Variants in RRAGD observed in about 807,000 individuals in gnomAD.
RRAGD encodes ras-related GTP-binding protein D.
RRAGD carries 12 observed loss-of-function variants against 35.5 expected under a neutral mutation model. That is an observed-to-expected ratio of 0.34 (90% confidence interval 0.22 to 0.55). RRAGD has a LOEUF of 0.55. Ranked by LOEUF, RRAGD falls within the 20% of genes least tolerant of loss-of-function variation. RRAGD has a pLI of 0.91. For missense variants in RRAGD, 324 were observed against 490.1 expected (o/e 0.66, Z 3.20); for synonymous variants, 155 against 178.9 (o/e 0.87, Z 1.07).
At chr6:89,395,155 A>G (rs1769310280) in intron 1 of RRAGD, among the ~76,000 whole-genome samples, 1 of 152,236 alleles carries the variant, frequency 6.6e-6, no homozygotes, top group Non-Finnish European at 1.5e-5. Context: ...GCTACTTGGA[A>G]GGCTGAGGTG....
At chr6:89,387,175 A>T in intron 2 of RRAGD, 120 bp downstream of exon 2, 1 of 1,025,240 alleles carries the variant, frequency 9.8e-7, no homozygotes, top group Non-Finnish European at 1.4e-6. Flanking sequence ...GAGAGCCCTG[A>T]CCAAGAAACA....
chr6:89,379,677 A>G (rs1769009796), intron 3 of RRAGD, among the ~76,000 whole-genome samples: 1 of 152,216 alleles, frequency 6.6e-6, no homozygotes, highest in African/African-American at 2.4e-5. Flanking sequence ...AGGTTGTCCA[A>G]TTAGTAACTT....
intron 5 of RRAGD, among the ~76,000 whole-genome samples, chr6:89,375,788 G>A (rs1768928701): frequency 6.6e-6 from 1 of 152,186 alleles, no homozygotes; most frequent in Non-Finnish European, 1.5e-5. Context: ...GAATCCTGTG[G>A]GTTCTCAGAA....
Position 89,368,137 on chromosome 6 carries a change from T to C in RRAGD, c.1122A>G (p.Val374=), listed in dbSNP as rs760777643. The C allele has an allele frequency of 1.2e-6, 2 of 1,614,056 alleles. No homozygotes were observed. The highest frequency in any genetic ancestry group is 3.3e-5 in the Admixed American group (2 of 60,010). The change falls in exon 7 of 7, where the codon GTA becomes GTG. Residue 374 remains valine (V), a synonymous_variant. Transcript: ENST00000369415. ...GATTCTGAACCTTTCGAGATTTTACTACTTTCATTCTCACCTCAAAAACTT... is the reference window on the plus strand; with the variant it reads ...GATTCTGAACCTTTCGAGATTTTACCACTTTCATTCTCACCTCAAAAACTT... The part of the protein sequence containing the change: ...IHEVFEVRMK[V]VKSRKVQNRL...
intron 1 of RRAGD, among the ~76,000 whole-genome samples, chr6:89,396,011 C>T (rs1337254983): frequency 3.3e-5 from 5 of 151,640 alleles, no homozygotes; most frequent in Admixed American, 2.6e-4. Flanking sequence ...CAAAATTGGT[C>T]TTGGTCTAAC....
Position 89,365,381 on chromosome 6 carries a change from A to AGTT in RRAGD, c.*2672_*2674dup, listed in dbSNP as rs2127881514. 6.6e-6 allele frequency: 1 copy of AGTT among 152,370 alleles called. No homozygotes were observed. The highest frequency in any genetic ancestry group is 6.5e-5 in the Admixed American group (1 of 15,296). 9.4% of individuals were successfully genotyped at this position (152,370 alleles called of 1,614,324 possible). On this transcript the variant is annotated 3_prime_UTR_variant, in exon 7 of 7. Coordinates refer to ENST00000369415, the MANE Select transcript of RRAGD (RefSeq NM_021244.5). Reference sequence around the variant, plus strand: ...AAACCAAGCAAAAATGTTCCAGTGCAGTTGCTGTAGCCATGTATTTAGGAT... The same window carrying AGTT: ...AAACCAAGCAAAAATGTTCCAGTGCAGTTGTTGCTGTAGCCATGTATTTAGGAT...
Position 89,405,729 on chromosome 6 carries a change from T to C in RRAGD, c.148+6117A>G, listed in dbSNP as rs1305947318. ...TAGAATTTCTTCGCTATTAGTATTCTGTGGAATCAACAAACGCTTAAGCGT... is the reference window on the plus strand; with the variant it reads ...TAGAATTTCTTCGCTATTAGTATTCCGTGGAATCAACAAACGCTTAAGCGT... On this transcript the variant is annotated intron_variant, in intron 1 of 6. Transcript: ENST00000369415. 4.6e-5 allele frequency among the ~76,000 whole-genome samples: 7 copies of C among 152,364 alleles called. No individual in the cohort carries two copies. The East Asian group carries it at 9.6e-4, about 21-fold the overall frequency.
At chr6:89,408,922 G>A (rs996032132) in intron 1 of RRAGD, among the ~76,000 whole-genome samples, 2 of 152,058 alleles carry the variant, frequency 1.3e-5, no homozygotes, top group Non-Finnish European at 2.9e-5. Flanking sequence ...GTTTTATCTG[G>A]AGTGTGGGGA....
At chr6:89,400,805 G>A (rs1769444799) in intron 1 of RRAGD, among the ~76,000 whole-genome samples, 1 of 152,082 alleles carries the variant, frequency 6.6e-6, no homozygotes, top group Non-Finnish European at 1.5e-5. Flanking sequence ...GAGAATGAAG[G>A]ATGACAGCCC....
intron 6 of RRAGD, among the ~76,000 whole-genome samples, chr6:89,369,577 G>T (rs1251098358): frequency 6.6e-6 from 1 of 151,992 alleles, no homozygotes; most frequent in Non-Finnish European, 1.5e-5. Context: ...CCTCATTTTT[G>T]AATTTTTCCT....
intron 5 of RRAGD, among the ~76,000 whole-genome samples, chr6:89,372,868 C>A (rs1163137367): frequency 3.9e-5 from 6 of 152,240 alleles, no homozygotes; most frequent in Non-Finnish European, 8.8e-5. Flanking sequence ...CTCCCCACCT[C>A]CGTGGCCAAG....
At chr6:89,403,828 G>A (rs1769526656) in intron 1 of RRAGD, among the ~76,000 whole-genome samples, 1 of 151,632 alleles carries the variant, frequency 6.6e-6, no homozygotes, top group Admixed American at 6.6e-5. Context: ...TTTTTTGTTG[G>A]GGGATGGTGG....
At chr6:89,404,786 A>G (rs1295122100) in intron 1 of RRAGD, among the ~76,000 whole-genome samples, 1 of 152,170 alleles carries the variant, frequency 6.6e-6, no homozygotes, top group African/African-American at 2.4e-5. Context: ...ACCCTGCCTG[A>G]CTGATCTGAG....
At chr6:89,370,458 T>A (rs1482723574) in intron 6 of RRAGD, among the ~76,000 whole-genome samples, 1 of 152,174 alleles carries the variant, frequency 6.6e-6, no homozygotes, top group East Asian at 1.9e-4. Context: ...CACAGCAAAA[T>A]AAGTATTCAT....
rs1249141511 is a variant in RRAGD, at chr6:89,387,278, G to C, written c.444+17C>G. The C allele has an allele frequency of 1.1e-5, 18 of 1,607,394 alleles. No individual in the cohort carries two copies. Among genetic ancestry groups the C allele is most frequent in the Non-Finnish European group, 1.5e-5 (18 of 1,174,832 alleles). ...GGACCGGCCAGGCCATCATACCCCTGAGACTCTGAGCTTTACCTGTGAGTC... is the reference window on the plus strand; with the variant it reads ...GGACCGGCCAGGCCATCATACCCCTCAGACTCTGAGCTTTACCTGTGAGTC... On this transcript the variant is annotated intron_variant, in intron 2 of 6. Coordinates refer to ENST00000369415, the MANE Select transcript of RRAGD (RefSeq NM_021244.5).
At chr6:89,377,872 A>T (rs1768973316) in intron 4 of RRAGD, 59 bp from the exon 5 acceptor site, 4 of 1,313,306 alleles carry the variant, frequency 3.0e-6, no homozygotes, top group South Asian at 1.4e-5. Context: ...CCATGTCATG[A>T]CTACACAAAA....
chr6:89,384,535 G>C (rs1769105319), intron 2 of RRAGD, among the ~76,000 whole-genome samples: 1 of 152,112 alleles, frequency 6.6e-6, no homozygotes, highest in Non-Finnish European at 1.5e-5. Flanking sequence ...TATAACTTTA[G>C]GCCAGGCGTG....
chr6:89,374,037 A>G (rs1768894365), intron 5 of RRAGD, among the ~76,000 whole-genome samples: 1 of 152,204 alleles, frequency 6.6e-6, no homozygotes, highest in African/African-American at 2.4e-5. Flanking sequence ...CCCCAAATTT[A>G]TGAATAACTG....
intron 5 of RRAGD, among the ~76,000 whole-genome samples, chr6:89,376,935 C>T (rs13204283): frequency 0.14 from 21,157 of 152,202 alleles, 1,885 homozygotes; most frequent in East Asian, 0.32. Flanking sequence ...TTTTCTTCCG[C>T]TTCTGCCACT....
Sources: allele counts gnomAD v4.1 joint callset (sites outside exome capture counted in the v4.1 genomes callset), GRCh38; gene constraint gnomAD v4.1.1; transcripts MANE v1.5; gene names NCBI Gene and HGNC (gene_info 2026-07-23, HGNC 2026-07-21).